SYNJ1: variants seen among roughly 807,000 people sequenced by gnomAD.
SYNJ1 encodes the protein synaptojanin 1, also known as polyphosphatidylinositol phosphatase SYNJ1.
A neutral mutation model predicts 168.2 loss-of-function variants in SYNJ1; 78 were observed. That is an observed-to-expected ratio of 0.46 (90% confidence interval 0.39 to 0.56). The LOEUF (loss-of-function observed/expected upper bound fraction) is 0.56, where lower values mean the gene tolerates loss of function less well. Ranked by LOEUF, SYNJ1 falls within the 20% of genes least tolerant of loss-of-function variation. The pLI, the probability that SYNJ1 is intolerant of heterozygous loss-of-function variation, is 0.00. For synonymous variants in SYNJ1, 539 were observed against 548.6 expected (o/e 0.98, Z 0.24); for missense variants, 1,303 against 1,597.6 (o/e 0.82, Z 3.14).
intron 2 of SYNJ1, 91 bp downstream of exon 2, chr21:32,726,681 T>C (rs1031593953): frequency 1.7e-5 from 26 of 1,487,984 alleles, no homozygotes; most frequent in Non-Finnish European, 1.5e-5. Flanking sequence ...GTGAAAGGGT[T>C]GTCGGGCTCT....
chr21:32,685,808 G>C lies in SYNJ1; in HGVS notation c.1058C>G (p.Pro353Arg), dbSNP rs1269144504. ...KAEKLHSVLKPQVQKFLDYGF... is the reference protein window; with the variant it reads ...KAEKLHSVLKRQVQKFLDYGF... ...ATAATCTAGAAACTTCTGGACTTGA[G>C]GTTTAAGAACACTATGTAATTTTTC... The change falls in exon 9 of 33, where the codon CCT becomes CGT. Residue 353 changes from proline (P) to arginine (R), a missense_variant. Pro to Arg is a moderately radical substitution (Grantham distance 103). Transcript: ENST00000674351. The C allele has an allele frequency of 2.5e-6, 4 of 1,612,846 alleles. No individual in the cohort carries two copies. Among genetic ancestry groups the C allele is most frequent in the Non-Finnish European group, 3.4e-6 (4 of 1,179,460 alleles).
intron 2 of SYNJ1, among the ~76,000 whole-genome samples, chr21:32,712,559 A>C (rs1172070764): frequency 6.6e-6 from 1 of 152,220 alleles, no homozygotes; most frequent in Non-Finnish European, 1.5e-5. Flanking sequence ...GAAAAAAAAA[A>C]AACTTTCATT....
Position 32,657,758 on chromosome 21 carries a change from G to C in SYNJ1, c.2419C>G (p.Arg807Gly). 6.2e-7 allele frequency: 1 copy of C among 1,613,200 alleles called. No homozygotes were observed. The highest frequency in any genetic ancestry group is 8.5e-7 in the Non-Finnish European group (1 of 1,179,634). The change falls in exon 19 of 33, where the codon CGT becomes GGT. Residue 807 changes from arginine (R) to glycine (G), a missense_variant. Arg to Gly is a moderately radical substitution (Grantham distance 125). This residue lies in a region of SYNJ1 where 920 missense variants were observed against 1,208.8 expected (regional missense o/e 0.76). Transcript: ENST00000674351. ...EKCRTPAWTD[R>G]VLWRRRKWPF... ...CATTTCCTCCTTCTCCAAAGGACACGGTCTGTCCAGGCAGGGGTGCGGCAC... is the reference window on the plus strand; with the variant it reads ...CATTTCCTCCTTCTCCAAAGGACACCGTCTGTCCAGGCAGGGGTGCGGCAC...
Position 32,671,597 on chromosome 21 carries a change from A to T in SYNJ1, c.1727-1225T>A, listed in dbSNP as rs112336618. 7.5e-4 allele frequency among the ~76,000 whole-genome samples: 114 copies of T among 152,274 alleles called. 1 individual carries two copies. The highest frequency in any genetic ancestry group is 2.6e-3 in the African/African-American group (109 of 41,552). On this transcript the variant is annotated intron_variant, in intron 14 of 32. Transcript: ENST00000674351. ...AACATGGGCAGGTTCCTTCCCTTTC[A>T]ATGTCTCAGTTTCCTCATCTGTAAA...
In SYNJ1 at chr21:32,631,075, G is replaced by A. The variant is rs1364258461; in HGVS notation, c.*730C>T. The A allele has an allele frequency of 3.1e-6, 5 of 1,614,236 alleles. No individual in the cohort carries two copies. The South Asian group carries it at 5.5e-5, about 18-fold the overall frequency. ...GGATCTACTGGAGGGCTGGTGCCGG[G>A]CGGGAGCAGAGGGACAGGAGGTGGA... On this transcript the variant is annotated 3_prime_UTR_variant, in exon 33 of 33. Coordinates refer to ENST00000674351, the MANE Select transcript of SYNJ1 (RefSeq NM_203446.3).
chr21:32,666,506 G>T lies in SYNJ1; in HGVS notation c.1879C>A (p.Leu627Met). Residue 627 changes from leucine (L) to methionine (M), a missense_variant, in exon 16 of 33, where the codon CTG (leucine) becomes ATG (methionine). Leu to Met is a conservative substitution (Grantham distance 15, BLOSUM62 2). Around this residue, in one of 2 missense-constraint regions of SYNJ1, gnomAD observed 920 missense variants for 1,208.8 expected, o/e 0.76. Coordinates refer to ENST00000674351, the MANE Select transcript of SYNJ1 (RefSeq NM_203446.3). ...CCCACCAACTGTTCAGAAGCCAGCA[G>T]CACATACTTGTTGTCTCTGGAGATT... ...KTISRDNKYV[L>M]LASEQLVGVC... The T allele has an allele frequency of 6.2e-7, 1 of 1,614,124 alleles. No individual in the cohort carries two copies. The highest frequency in any genetic ancestry group is 8.5e-7 in the Non-Finnish European group (1 of 1,179,984).
At chr21:32,728,226 G>C (rs1601569656), upstream of SYNJ1, 4 of 648,426 alleles carry the variant, frequency 6.2e-6, no homozygotes, top group East Asian at 1.3e-4. Flanking sequence ...CCACCGCCGG[G>C]GGTGCAGGGA....
chr21:32,716,010 T>C (rs547536319), intron 2 of SYNJ1, among the ~76,000 whole-genome samples: 3 of 152,342 alleles, frequency 2.0e-5, no homozygotes, highest in Non-Finnish European at 4.4e-5. Context: ...TGTGCTCACA[T>C]ACGTAACACT....
At chr21:32,676,476 T>G (rs2041413869) in intron 12 of SYNJ1, 121 bp from the exon 13 acceptor site, 2 of 856,844 alleles carry the variant, frequency 2.3e-6, no homozygotes, top group Admixed American at 5.6e-5. Flanking sequence ...GATGACTTTA[T>G]TTTTTTCTGA....
chr21:32,639,773 G>A lies in SYNJ1; in HGVS notation c.3595C>T (p.Pro1199Ser), dbSNP rs760863245. 47 of 1,613,534 alleles carry A rather than the reference G, an allele frequency of 2.9e-5. No individual in the cohort carries two copies. In the Middle Eastern group the frequency reaches 8.2e-4, roughly 28 times the overall value. ...AGYSTARPTIPPRAGVISAPQ... is the reference protein window; with the variant it reads ...AGYSTARPTISPRAGVISAPQ... ...GCACTGATAACTCCAGCACGAGGAG[G>A]AATCGTCTACAGATAGGAAACATAA... Residue 1199 changes from proline (P) to serine (S), a missense_variant, in exon 30 of 33, where the codon CCT becomes TCT. Physicochemically the swap from Pro to Ser is moderately conservative, Grantham distance 74 (BLOSUM62 -1). This residue lies in a region of SYNJ1 where 383 missense variants were observed against 388.8 expected (regional missense o/e 0.99). Coordinates refer to ENST00000674351, the MANE Select transcript of SYNJ1 (RefSeq NM_203446.3).
intron 12 of SYNJ1, 75 bp downstream of exon 12, chr21:32,678,570 T>G: frequency 7.0e-7 from 1 of 1,418,544 alleles, no homozygotes; most frequent in South Asian, 1.6e-5. Context: ...CTAAAAATTC[T>G]GTGTAAATAA....
rs1338258376 is a variant in SYNJ1, at chr21:32,656,190, G to GGGTA, written c.2795+496_2795+497insTACC. On this transcript the variant is annotated intron_variant, in intron 21 of 32. Transcript: ENST00000674351. The stretch of plus-strand genomic sequence containing the variant: ...CTCACGCCTGTAATCCCAGCACTTT[G>GGGTA]TGGGGCTGAGCTGGGCAGATCGCTT... Among the ~76,000 whole-genome samples, 3 of 152,320 alleles carry GGGTA rather than the reference G, an allele frequency of 2.0e-5. No individual in the cohort carries two copies. The East Asian group carries it at 5.8e-4, about 29-fold the overall frequency.
At chr21:32,691,086 T>C (rs143345878) in intron 6 of SYNJ1, among the ~76,000 whole-genome samples, 26 of 152,350 alleles carry the variant, frequency 1.7e-4, no homozygotes, top group African/African-American at 6.0e-4. Context: ...TTTGACTGAT[T>C]GATACGGTTT....
rs111331431 is a variant in SYNJ1 at position 32,677,535 on chromosome 21, T to C, written c.1510+1110A>G. Among the ~76,000 whole-genome samples the C allele has an allele frequency of 1.8e-4, 28 of 152,264 alleles. 1 individual carries two copies. The highest frequency in any genetic ancestry group is 3.4e-3 in the Middle Eastern group (1 of 294). On this transcript the variant is annotated intron_variant, in intron 12 of 32. Coordinates refer to ENST00000674351, the MANE Select transcript of SYNJ1 (RefSeq NM_203446.3). ...CTTTCCTTCAACCACTTACTTTCAA[T>C]TGTTGCTTATTAATGCCTCCACATC...
At chr21:32,697,337 A>G (rs2042246508) in intron 4 of SYNJ1, among the ~76,000 whole-genome samples, 1 of 152,174 alleles carries the variant, frequency 6.6e-6, no homozygotes, top group African/African-American at 2.4e-5. Context: ...GTTTTTCTAT[A>G]TAAACTGAAG....
At chr21:32,645,569 T>G (rs542250820) in intron 25 of SYNJ1, 77 bp downstream of exon 25, 1 of 1,423,112 alleles carries the variant, frequency 7.0e-7, no homozygotes, top group Non-Finnish European at 9.2e-7. Flanking sequence ...AAGCTAGAGA[T>G]TGGAAAACAT....
intron 15 of SYNJ1, among the ~76,000 whole-genome samples, chr21:32,669,889 A>G (rs2041120268): frequency 6.6e-6 from 1 of 152,222 alleles, no homozygotes; most frequent in Admixed American, 6.5e-5. Flanking sequence ...GTCTTAAACT[A>G]GACATTAAAG....
intron 8 of SYNJ1, 109 bp from the exon 9 acceptor site, chr21:32,686,026 C>A: frequency 8.8e-7 from 1 of 1,131,818 alleles, no homozygotes; most frequent in Non-Finnish European, 1.2e-6. Context: ...TTCCCTAAAG[C>A]CTCAAAAACT....
Position 32,640,774 on chromosome 21 carries a change from C to T in SYNJ1, c.3589-995G>A, listed in dbSNP as rs1601240189. Among the ~76,000 whole-genome samples the T allele has an allele frequency of 2.0e-5, 3 of 152,284 alleles. No individual in the cohort carries two copies. In the South Asian group the frequency reaches 6.2e-4, roughly 32 times the overall value. Reference sequence around the variant, plus strand: ...AGAAGTACAACTTTTGAATGACTAACTCAATATTCCGAATTAAATACACTG... The same window carrying T: ...AGAAGTACAACTTTTGAATGACTAATTCAATATTCCGAATTAAATACACTG... On this transcript the variant is annotated intron_variant, in intron 29 of 32. Transcript: ENST00000674351.
Sources: allele counts gnomAD v4.1 joint callset (sites outside exome capture counted in the v4.1 genomes callset), GRCh38; gene constraint gnomAD v4.1.1; regional missense constraint gnomAD v4.1.1; transcripts MANE v1.5; gene names NCBI Gene and HGNC (gene_info 2026-07-23, HGNC 2026-07-21).